The following PLCG2 variants were observed in gnomAD, a reference collection of about 807,000 sequenced individuals.
PLCG2 encodes 1-phosphatidylinositol 4,5-bisphosphate phosphodiesterase gamma-2.
PLCG2 carries 69 observed loss-of-function variants against 175.6 expected under a neutral mutation model. The observed-to-expected ratio is 0.39, with a 90% CI of 0.32 to 0.48. PLCG2 has a LOEUF of 0.48. Among genes scored for constraint, PLCG2 ranks in the 20% least tolerant of loss-of-function variants. The pLI is 0.91. For missense variants in PLCG2, 1,798 were observed against 1,650.9 expected, an observed-to-expected ratio of 1.09 and a Z score of -1.54; for synonymous variants, 827 against 624.0, an observed-to-expected ratio of 1.33 and a Z score of -4.85.
intron 3 of PLCG2, among the ~76,000 whole-genome samples, chr16:81,854,970 G>T (rs1567500103): frequency 6.6e-6 from 1 of 152,090 alleles, no homozygotes; most frequent in East Asian, 1.9e-4. Context: ...AGCACTTTGG[G>T]AGCCTGAGGC....
chr16:81,851,055 G>A (rs1196351573), intron 2 of PLCG2, among the ~76,000 whole-genome samples: 1 of 152,064 alleles, frequency 6.6e-6, no homozygotes, highest in Admixed American at 6.6e-5. Context: ...GGTGTGACGG[G>A]GGATGAGTCC....
At chr16:81,860,399 G>C (rs1447850077) in intron 5 of PLCG2, among the ~76,000 whole-genome samples, 1 of 151,942 alleles carries the variant, frequency 6.6e-6, no homozygotes, top group African/African-American at 2.4e-5. Flanking sequence ...AGCTGTGAGT[G>C]GGGTAAATTC....
At chr16:81,919,781 T>A in intron 20 of PLCG2, 117 bp downstream of exon 20, 1 of 785,404 alleles carries the variant, frequency 1.3e-6, no homozygotes. Flanking sequence ...CTGCTGTAGG[T>A]CCTGGGGATA....
chr16:81,942,637 A>C (rs568096101), intron 30 of PLCG2, among the ~76,000 whole-genome samples: 1 of 152,274 alleles, frequency 6.6e-6, no homozygotes, highest in African/African-American at 2.4e-5. Context: ...TTTAATCCTC[A>C]CAGTAATCCT....
intron 30 of PLCG2, among the ~76,000 whole-genome samples, chr16:81,945,297 C>T (rs760962146): frequency 1.3e-5 from 2 of 152,190 alleles, no homozygotes; most frequent in African/African-American, 2.4e-5. Context: ...CTTGGAGAAT[C>T]AGTAGATATG....
intron 1 of PLCG2, among the ~76,000 whole-genome samples, chr16:81,753,115 G>T (rs912914277): frequency 2.0e-5 from 3 of 152,194 alleles, no homozygotes; most frequent in Non-Finnish European, 2.9e-5. Flanking sequence ...GCCAGTGGCA[G>T]CTCAGCTCTG....
At chr16:81,830,379 T>C (rs886859502) in intron 2 of PLCG2, among the ~76,000 whole-genome samples, 2 of 152,146 alleles carry the variant, frequency 1.3e-5, no homozygotes, top group South Asian at 4.1e-4. Flanking sequence ...TACTTTTGGC[T>C]CACTGCAACC....
chr16:81,829,118 A>AT (rs966608976), intron 2 of PLCG2, among the ~76,000 whole-genome samples: 3 of 151,506 alleles, frequency 2.0e-5, no homozygotes, highest in Non-Finnish European at 4.4e-5. Flanking sequence ...ATTTTATTTT[A>AT]TTTTTTTTGA....
chr16:81,865,305 TG>T (rs1907174167), intron 5 of PLCG2, among the ~76,000 whole-genome samples: 1 of 152,066 alleles, frequency 6.6e-6, no homozygotes, highest in Admixed American at 6.5e-5. Context: ...CCTGCAGCGA[TG>T]GGGGCTCAGC....
chr16:81,903,146 A>G (rs1446044420), intron 14 of PLCG2, among the ~76,000 whole-genome samples: 5 of 152,224 alleles, frequency 3.3e-5, no homozygotes, highest in African/African-American at 1.2e-4. Flanking sequence ...GGACACAGAC[A>G]TTCAGACCAT....
chr16:81,761,073 T>C (rs1910032060), intron 2 of PLCG2, among the ~76,000 whole-genome samples: 1 of 152,170 alleles, frequency 6.6e-6, no homozygotes, highest in Admixed American at 6.6e-5. Context: ...ATTTTTGTAT[T>C]TTTTGTAGTA....
intron 2 of PLCG2, among the ~76,000 whole-genome samples, chr16:81,843,784 T>A (rs998768730): frequency 6.6e-6 from 1 of 152,194 alleles, no homozygotes; most frequent in Non-Finnish European, 1.5e-5. Flanking sequence ...TGGTTGGTAG[T>A]TTGCTTGTCA....
chr16:81,850,106 A>G (rs1421360336), intron 2 of PLCG2, among the ~76,000 whole-genome samples: 2 of 152,246 alleles, frequency 1.3e-5, no homozygotes, highest in Non-Finnish European at 2.9e-5. Context: ...ATGTAATGAC[A>G]TAATGAGATA....
intron 2 of PLCG2, among the ~76,000 whole-genome samples, chr16:81,772,234 C>T (rs1245019261): frequency 6.6e-6 from 1 of 152,050 alleles, no homozygotes; most frequent in Non-Finnish European, 1.5e-5. Flanking sequence ...CATGAGAAGA[C>T]AGAGGCAGAG....
At position 81,960,075 on chromosome 16, in the gene PLCG2, G is replaced by T. The variant is rs1357659010; in HGVS notation, c.*2077G>T. ...AAGTCAGGGGATTATGACATAAATG[G>T]TGCTGGGAAGAACCCTCTGCCTAAA... is the stretch of plus-strand genomic sequence containing the variant. On this transcript the variant is annotated 3_prime_UTR_variant, in exon 33 of 33. Transcript: ENST00000564138. The T allele has an allele frequency of 1.4e-5, 3 of 219,000 alleles. No homozygotes were observed. Among genetic ancestry groups the T allele is most frequent in the African/African-American group, 6.7e-5 (3 of 44,494 alleles). The allele number at this position is 219,000 out of a possible 1,614,324, so 13.6% of individuals were successfully genotyped here. A position where few individuals can be genotyped will look rare whatever the true frequency, so the allele number is the denominator to read the frequency against.
chr16:81,795,250 AC>A (rs1911415372), intron 2 of PLCG2, among the ~76,000 whole-genome samples: 1 of 152,168 alleles, frequency 6.6e-6, no homozygotes, highest in South Asian at 2.1e-4. Context: ...GGAACAGGGT[AC>A]TGTAATAAGG....
intron 2 of PLCG2, among the ~76,000 whole-genome samples, chr16:81,850,248 A>G (rs1422460938): frequency 6.6e-6 from 1 of 152,216 alleles, no homozygotes; most frequent in Non-Finnish European, 1.5e-5. Context: ...GTAAGGTTTT[A>G]TGGTTCTATA....
At chr16:81,892,338 G>A (rs1246762666) in intron 11 of PLCG2, among the ~76,000 whole-genome samples, 1 of 152,184 alleles carries the variant, frequency 6.6e-6, no homozygotes, top group Non-Finnish European at 1.5e-5. Flanking sequence ...TACTCTGATT[G>A]CAACAGAAGG....
chr16:81,750,662 G>GGTTTTTTTTT (rs1567692941), intron 1 of PLCG2, among the ~76,000 whole-genome samples: 1 of 18,586 alleles, frequency 5.4e-5, no homozygotes, highest in South Asian at 3.4e-3. Context: ...GGGGACTGGA[G>GGTTTTTTTTT]ATTTTTTTTT....
Sources: gnomAD v4.1 joint callset for allele counts (sites outside exome capture counted in the v4.1 genomes callset) on GRCh38, gnomAD v4.1.1 for gene constraint, MANE v1.5 for transcripts, NCBI Gene and HGNC (gene_info 2026-07-23, HGNC 2026-07-21) for gene names.